Variants in CFAP43 observed in about 807,000 individuals in gnomAD.
The protein encoded by CFAP43 is cilia- and flagella-associated protein 43.
In CFAP43, 155 loss-of-function variants were observed where a neutral mutation model predicts 218.9. The observed-to-expected ratio is 0.71, with a 90% confidence interval of 0.62 to 0.81. The LOEUF (loss-of-function observed/expected upper bound fraction) is 0.81. CFAP43 is among the 30% of genes least tolerant of loss of function. The pLI, the probability that CFAP43 is intolerant of heterozygous loss-of-function variation, is 0.00. For missense variants in CFAP43, 1,778 were observed against 1,954.3 expected, an observed-to-expected ratio of 0.91 and a Z score of 1.70; for synonymous variants, 645 against 681.3, an observed-to-expected ratio of 0.95 and a Z score of 0.83.
intron 3 of CFAP43, among the ~76,000 whole-genome samples, chr10:104,218,080 G>A (rs2091066137): frequency 6.6e-6 from 1 of 152,016 alleles, no homozygotes; most frequent in East Asian, 1.9e-4. Flanking sequence ...CGGGCGCAGT[G>A]GCTCACGCCT....
At chr10:104,160,924 T>G in intron 27 of CFAP43, 113 bp downstream of exon 27, 1 of 1,058,778 alleles carries the variant, frequency 9.4e-7, no homozygotes, top group Non-Finnish European at 1.3e-6. Context: ...GAATTTAAGC[T>G]GAAACACTGT....
rs77287043 is a variant in CFAP43 at position 104,152,448 on chromosome 10, A to C, written c.3660+159T>G. Among the ~76,000 whole-genome samples the C allele has an allele frequency of 9.2e-3, 1,398 of 152,124 alleles. 46 individuals are homozygous for C. Among genetic ancestry groups the C allele is most frequent in the East Asian group, 0.085 (440 of 5,158 alleles). On this transcript the variant is annotated intron_variant, in intron 28 of 37. Coordinates refer to ENST00000357060, the MANE Select transcript of CFAP43 (RefSeq NM_025145.7). ...AAGATGTTCAAAGAGGAAGTGTGGC[A>C]GGTAAAGGGGAAGGTGCACAAGATG...
intron 34 of CFAP43, among the ~76,000 whole-genome samples, chr10:104,140,637 T>C (rs2087662999): frequency 6.6e-6 from 1 of 152,102 alleles, no homozygotes; most frequent in South Asian, 2.1e-4. Context: ...AAGACTCTGT[T>C]TTTACAAAAA....
intron 34 of CFAP43, among the ~76,000 whole-genome samples, chr10:104,139,847 C>T (rs941939785): frequency 1.3e-5 from 2 of 152,128 alleles, no homozygotes; most frequent in Admixed American, 6.5e-5. Flanking sequence ...CCTCTTTTCA[C>T]ATTTTTATTA....
chr10:104,184,892 AC>A, intron 16 of CFAP43, 123 bp downstream of exon 16: 4 of 1,437,218 alleles, frequency 2.8e-6, no homozygotes, highest in Non-Finnish European at 2.8e-6. Context: ...TGTGAGTATA[AC>A]AAACTTTCTT....
Position 104,182,506 on chromosome 10 carries a change from C to T in CFAP43, c.2149G>A (p.Gly717Arg). ...TLVYLKWKRF[G>R]GHLASEILDY... ...AGAATTTCACTGGCTAGGTGTCCTC[C>T]AAATCGCCTATATTAATAAAAAAGA... Residue 717 changes from glycine to arginine, a missense_variant, in exon 17 of 38, where the codon GGA becomes AGA. Around this residue, in one of 3 missense-constraint regions of CFAP43, gnomAD observed 1,553 missense variants for 1,685.2 expected, o/e 0.92. Transcript: ENST00000357060. The T allele has an allele frequency of 1.3e-6, 2 of 1,584,444 alleles. No individual in the cohort carries two copies. Among genetic ancestry groups the T allele is most frequent in the South Asian group, 1.2e-5 (1 of 85,088 alleles).
chr10:104,162,452 C>T, intron 24 of CFAP43, 49 bp from the exon 25 acceptor site: 1 of 1,519,586 alleles, frequency 6.6e-7, no homozygotes, highest in Non-Finnish European at 9.1e-7. Flanking sequence ...AAAATTCAAA[C>T]TAAACTTTCC....
Position 104,203,220 on chromosome 10 carries a change from C to T in CFAP43, c.1095+452G>A, listed in dbSNP as rs1036808180. Among the ~76,000 whole-genome samples the T allele has an allele frequency of 2.0e-5, 3 of 152,146 alleles. 1 individual carries two copies. Among genetic ancestry groups the T allele is most frequent in the Admixed American group, 1.3e-4 (2 of 15,276 alleles). ...GGATTCCTATGGTGCAAGTGATTGA[C>T]CCGGGGTAGACACGTGATTCAGTCA... On this transcript the variant is annotated intron_variant, in intron 8 of 37. Transcript: ENST00000357060.
rs1006152988 is a variant in CFAP43 at position 104,164,399 on chromosome 10, A to T, written c.3040-99T>A. Reference sequence around the variant, plus strand: ...CTTTCCCTCTAAAATCATTCCACAAATTTTTTTTTTTTTTTTGAGATGCAG... The same window carrying T: ...CTTTCCCTCTAAAATCATTCCACAATTTTTTTTTTTTTTTTTGAGATGCAG... On this transcript the variant is annotated intron_variant, in intron 23 of 37. Transcript: ENST00000357060. 6.1e-4 allele frequency: 483 copies of T among 796,960 alleles called. 1 individual carries two copies. Among genetic ancestry groups the T allele is most frequent in the Middle Eastern group, 2.0e-3 (5 of 2,486 alleles). The allele number at this position is 796,960 out of a possible 1,614,324, so 49.4% of individuals were successfully genotyped here.
rs370647968 is a variant in CFAP43, at chr10:104,159,184, A to G, written c.3540+1853T>C. Among the ~76,000 whole-genome samples, 8 of 152,074 alleles carry G rather than the reference A, an allele frequency of 5.3e-5. No individual in the cohort carries two copies. The East Asian group carries it at 1.5e-3, about 29-fold the overall frequency. On this transcript the variant is annotated intron_variant, in intron 27 of 37. Coordinates refer to ENST00000357060, the MANE Select transcript of CFAP43 (RefSeq NM_025145.7). ...CGATACAAGATTTTTTTTTTACTTGAGAGAGAAATTGAAAACCATCAACAT... is the reference window on the plus strand; with the variant it reads ...CGATACAAGATTTTTTTTTTACTTGGGAGAGAAATTGAAAACCATCAACAT...
intron 6 of CFAP43, among the ~76,000 whole-genome samples, chr10:104,207,129 C>T (rs2090716624): frequency 6.6e-6 from 1 of 151,946 alleles, no homozygotes; most frequent in Admixed American, 6.6e-5. Flanking sequence ...GCCAAGATTG[C>T]ACCACTGCAT....
At chr10:104,189,644 A>G (rs1049682435) in intron 12 of CFAP43, among the ~76,000 whole-genome samples, 7 of 152,202 alleles carry the variant, frequency 4.6e-5, no homozygotes, top group East Asian at 1.9e-4. Flanking sequence ...CACAGCTTCA[A>G]TATAAAATGT....
chr10:104,175,797 A>G lies in CFAP43; in HGVS notation c.2460+3232T>C, dbSNP rs548120570. 1.5e-4 allele frequency among the ~76,000 whole-genome samples: 23 copies of G among 152,338 alleles called. No individual in the cohort carries two copies. The South Asian group carries it at 4.8e-3, about 32-fold the overall frequency. ...GAATGTGCGTTGCTTTTGCACCATCATAAGGTTGAAAAATTATAAGTTGAA... is the reference window on the plus strand; with the variant it reads ...GAATGTGCGTTGCTTTTGCACCATCGTAAGGTTGAAAAATTATAAGTTGAA... On this transcript the variant is annotated intron_variant, in intron 19 of 37. Transcript: ENST00000357060.
chr10:104,162,283 G>A (rs1371821853), intron 25 of CFAP43, 34 bp downstream of exon 25: 1 of 1,564,974 alleles, frequency 6.4e-7, no homozygotes, highest in East Asian at 2.2e-5. Flanking sequence ...AAGCAAAGAG[G>A]GTCTTAGGAC....
chr10:104,223,546 T>G (rs571265852), intron 3 of CFAP43, among the ~76,000 whole-genome samples: 1 of 152,346 alleles, frequency 6.6e-6, no homozygotes, highest in East Asian at 1.9e-4. Flanking sequence ...TCTGTTACAC[T>G]AACACATTTG....
intron 31 of CFAP43, among the ~76,000 whole-genome samples, chr10:104,144,648 CA>C (rs1222082667): frequency 1.3e-5 from 2 of 150,096 alleles, no homozygotes; most frequent in East Asian, 2.0e-4. Flanking sequence ...GACTCCGTCT[CA>C]AAAAAAAAGG....
chr10:104,192,732 G>T (rs1490076705), intron 11 of CFAP43: 1 of 172,452 alleles, frequency 5.8e-6, no homozygotes, highest in South Asian at 1.4e-4. Flanking sequence ...ATTAGAAAAA[G>T]TGGGAAGATG....
chr10:104,192,449 G>A (rs1193848641), intron 11 of CFAP43, 147 bp from the exon 12 acceptor site: 4 of 652,918 alleles, frequency 6.1e-6, no homozygotes, highest in South Asian at 5.3e-5. Context: ...TTATTAAAGT[G>A]GAGTGATTAC....
intron 2 of CFAP43, among the ~76,000 whole-genome samples, chr10:104,227,505 T>A (rs985898344): frequency 6.6e-6 from 1 of 152,212 alleles, no homozygotes; most frequent in Non-Finnish European, 1.5e-5. Flanking sequence ...TAAATCACAC[T>A]TTTTAAAACA....
Sources: allele counts gnomAD v4.1 joint callset (sites outside exome capture counted in the v4.1 genomes callset), GRCh38; gene constraint gnomAD v4.1.1; regional missense constraint gnomAD v4.1.1; transcripts MANE v1.5; gene names NCBI Gene and HGNC (gene_info 2026-07-23, HGNC 2026-07-21).